Variants in MCM10 observed in about 807,000 individuals in gnomAD.
The protein encoded by MCM10 is minichromosome maintenance 10 replication initiation factor, also known as protein MCM10 homolog.
MCM10 carries 91 observed loss-of-function variants against 109.9 expected under a neutral mutation model. That is an observed-to-expected ratio of 0.83 (90% CI 0.70 to 0.99). The LOEUF (loss-of-function observed/expected upper bound fraction) is 0.99, where lower values mean the gene tolerates loss of function less well. Ranked by LOEUF, MCM10 falls within the 50% of genes least tolerant of loss-of-function variation. The probability of loss-of-function intolerance (pLI) is 0.00; values close to 1 mark genes in which losing one functional copy is unlikely to be tolerated. For synonymous variants in MCM10, 380 were observed against 387.2 expected (o/e 0.98, Z 0.22); for missense variants, 1,077 against 1,061.2 (o/e 1.01, Z -0.21).
At chr10:13,164,824 C>G (rs377201371) in intron 2 of MCM10, among the ~76,000 whole-genome samples, 1 of 151,744 alleles carries the variant, frequency 6.6e-6, no homozygotes, top group African/African-American at 2.4e-5. Flanking sequence ...TTTGGGAGGC[C>G]GGGGTGGGAG....
chr10:13,208,504 C>T (rs1588482905), intron 18 of MCM10, among the ~76,000 whole-genome samples: 1 of 138,314 alleles, frequency 7.2e-6, no homozygotes, highest in African/African-American at 2.7e-5. Context: ...CTGAGGCAGG[C>T]AGATCACTTG....
At chr10:13,198,191 C>T (rs1281374090) in intron 15 of MCM10, among the ~76,000 whole-genome samples, 2 of 152,010 alleles carry the variant, frequency 1.3e-5, no homozygotes, top group African/African-American at 4.8e-5. Context: ...GGATTACAGA[C>T]GTGAGCTGGA....
In MCM10 at chr10:13,194,326, G is replaced by A. The variant is rs146992166; in HGVS notation, c.1746-715G>A. Among the ~76,000 whole-genome samples, 571 of 152,296 alleles carry A rather than the reference G, an allele frequency of 3.7e-3. 2 individuals are homozygous for A. The highest frequency in any genetic ancestry group is 0.013 in the African/African-American group (528 of 41,556). On this transcript the variant is annotated intron_variant, in intron 13 of 19. Transcript: ENST00000378714. ...GGCAGCGAGCCGCAATCGTGCCAAC[G>A]CACTCTAGTCTGGGTGACAAAGCAA...
chr10:13,205,863 A>ATTTC (rs1203165101), intron 18 of MCM10, among the ~76,000 whole-genome samples: 1 of 152,190 alleles, frequency 6.6e-6, no homozygotes, highest in African/African-American at 2.4e-5. Context: ...TGGGGGCAAC[A>ATTTC]TCAGATACGG....
At chr10:13,186,879 C>A (rs1834281424) in intron 9 of MCM10, among the ~76,000 whole-genome samples, 1 of 152,080 alleles carries the variant, frequency 6.6e-6, no homozygotes, top group Non-Finnish European at 1.5e-5. Flanking sequence ...GTAGTTCCAG[C>A]TACTCAGGAG....
At chr10:13,165,824 G>A (rs919034200) in intron 2 of MCM10, among the ~76,000 whole-genome samples, 8 of 146,722 alleles carry the variant, frequency 5.5e-5, no homozygotes, top group African/African-American at 1.5e-4. Context: ...GCATTGCATC[G>A]AGATCCCACT....
chr10:13,205,843 T>C (rs1809182243), intron 18 of MCM10, among the ~76,000 whole-genome samples: 1 of 152,244 alleles, frequency 6.6e-6, no homozygotes, highest in African/African-American at 2.4e-5. Flanking sequence ...TTTGTTTCTC[T>C]TTTTACTTTT....
intron 16 of MCM10, 110 bp downstream of exon 16, chr10:13,198,917 A>G (rs1834459820): frequency 1.6e-5 from 12 of 752,008 alleles, no homozygotes; most frequent in Middle Eastern, 2.4e-4. Context: ...TTTTTCTGAG[A>G]CAGAGTCTCA....
chr10:13,188,591 A>C (rs1834304689), intron 9 of MCM10, among the ~76,000 whole-genome samples: 1 of 152,086 alleles, frequency 6.6e-6, no homozygotes, highest in Non-Finnish European at 1.5e-5. Flanking sequence ...TGTGTGTCTG[A>C]CTTCTTTCAC....
intron 12 of MCM10, 31 bp from the exon 13 acceptor site, chr10:13,192,420 G>A (rs1187123573): frequency 6.2e-7 from 1 of 1,613,386 alleles, no homozygotes; most frequent in Admixed American, 1.7e-5. Flanking sequence ...AGCCTCCCAG[G>A]GCACCCCCTC....
chr10:13,178,778 C>T (rs371111403), intron 6 of MCM10, among the ~76,000 whole-genome samples: 2 of 152,170 alleles, frequency 1.3e-5, no homozygotes, highest in Admixed American at 6.5e-5. Context: ...ATTGCATTGA[C>T]GCTCTAGATT....
At chr10:13,178,421 T>C (rs998218298) in intron 6 of MCM10, among the ~76,000 whole-genome samples, 1 of 152,234 alleles carries the variant, frequency 6.6e-6, no homozygotes, top group Non-Finnish European at 1.5e-5. Flanking sequence ...TTTTTGTATA[T>C]GGCGAGAGAT....
intron 11 of MCM10, among the ~76,000 whole-genome samples, chr10:13,191,711 C>T (rs1223264148): frequency 6.6e-6 from 1 of 152,038 alleles, no homozygotes; most frequent in African/African-American, 2.4e-5. Context: ...TTTGCAGGAC[C>T]TTAAGGAAAA....
chr10:13,178,779 G>C (rs55835029), intron 6 of MCM10, among the ~76,000 whole-genome samples: 2 of 152,150 alleles, frequency 1.3e-5, no homozygotes, highest in Non-Finnish European at 2.9e-5. Flanking sequence ...TTGCATTGAC[G>C]CTCTAGATTG....
chr10:13,198,763 A>G lies in MCM10; in HGVS notation c.2194A>G (p.Lys732Glu), dbSNP rs779125017. 1 of 1,613,828 alleles carries G rather than the reference A, an allele frequency of 6.2e-7. No individual in the cohort carries two copies. The highest frequency in any genetic ancestry group is 8.5e-7 in the Non-Finnish European group (1 of 1,180,004). ...LAYLESEEFQ[K>E]ILKAKSKHTG... ...CTATCTGGAATCTGAGGAATTTCAG[A>G]AAATCCTAAAAGCAAAATCAAAACA... Residue 732 changes from lysine to glutamate, a missense_variant, in exon 16 of 20, where the codon AAA becomes GAA. Physicochemically the swap from Lys to Glu is moderately conservative, Grantham distance 56. Transcript: ENST00000378714.
At chr10:13,169,609 T>C (rs565979068) in intron 2 of MCM10, among the ~76,000 whole-genome samples, 1 of 152,366 alleles carries the variant, frequency 6.6e-6, no homozygotes, top group South Asian at 2.1e-4. Flanking sequence ...AAATAGCCCA[T>C]ATTGTCCTTT....
intron 2 of MCM10, 101 bp from the exon 3 acceptor site, chr10:13,170,821 G>A (rs1292741685): frequency 1.1e-6 from 1 of 927,434 alleles, no homozygotes; most frequent in Non-Finnish European, 1.6e-6. Context: ...GTACCCATTA[G>A]GTAGTTTCTC....
Position 13,198,702 on chromosome 10 carries a change from G to C in MCM10, c.2133G>C (p.Leu711Phe), listed in dbSNP as rs370490359. The C allele has an allele frequency of 6.2e-7, 1 of 1,612,136 alleles. No homozygotes were observed. Among genetic ancestry groups the C allele is most frequent in the South Asian group, 1.1e-5 (1 of 91,026 alleles). Residue 711 changes from leucine to phenylalanine, a missense_variant, in exon 16 of 20, where the codon TTG becomes TTC. Physicochemically the swap from Leu to Phe is conservative, Grantham distance 22. Coordinates refer to ENST00000378714, the MANE Select transcript of MCM10 (RefSeq NM_018518.5). ...CTTGTGCCCTAGCTGAGGATGAATT[G>C]GAGCCTGCCAGGAAAAAAAGGAGAG... The part of the protein sequence containing the change: ...TMFSSQAEDE[L>F]EPARKKRREQ...
chr10:13,203,240 C>T (rs1469309917), intron 17 of MCM10, among the ~76,000 whole-genome samples: 2 of 152,138 alleles, frequency 1.3e-5, no homozygotes, highest in African/African-American at 4.8e-5. Flanking sequence ...GACGGGGCTG[C>T]AGTAGGGGAG....
Sources: allele counts gnomAD v4.1 joint callset (sites outside exome capture counted in the v4.1 genomes callset), GRCh38; gene constraint gnomAD v4.1.1; transcripts MANE v1.5; gene names NCBI Gene and HGNC (gene_info 2026-07-23, HGNC 2026-07-21).